The following ZFHX4 variants were observed in gnomAD, a reference collection of about 807,000 sequenced individuals.
ZFHX4 encodes zinc finger homeobox 4, also known as zinc finger homeobox protein 4.
Under a neutral mutation model 267.6 loss-of-function variants are expected in ZFHX4, and 56 were observed. The observed-to-expected ratio is 0.21, with a 90% CI of 0.17 to 0.26. ZFHX4 has a LOEUF of 0.26. ZFHX4 is among the 10% of genes least tolerant of loss of function. The pLI is 1.00. For synonymous variants in ZFHX4, 1,778 were observed against 1,665.6 expected, an observed-to-expected ratio of 1.07 and a Z score of -1.64; for missense variants, 4,332 against 4,420.0, an observed-to-expected ratio of 0.98 and a Z score of 0.56.
intron 4 of ZFHX4, among the ~76,000 whole-genome samples, chr8:76,825,646 T>C (rs1811764572): frequency 6.6e-6 from 1 of 152,218 alleles, no homozygotes; most frequent in African/African-American, 2.4e-5. Flanking sequence ...GGGGTTATGT[T>C]CTCTGATTCT....
chr8:76,811,114 C>G (rs966304269), intron 4 of ZFHX4, among the ~76,000 whole-genome samples: 1 of 152,160 alleles, frequency 6.6e-6, no homozygotes, highest in Non-Finnish European at 1.5e-5. Flanking sequence ...AAACCCTCAT[C>G]TCACGGCTAA....
At chr8:76,775,729 A>G (rs1716651253) in intron 3 of ZFHX4, among the ~76,000 whole-genome samples, 1 of 152,074 alleles carries the variant, frequency 6.6e-6, no homozygotes. Flanking sequence ...GGAAGATCAG[A>G]TAATAGGAGC....
rs547189542 is a variant in ZFHX4 at position 76,838,742 on chromosome 8, C to T, written c.3395-3913C>T. Among the ~76,000 whole-genome samples the T allele has an allele frequency of 9.9e-5, 15 of 152,056 alleles. No individual in the cohort carries two copies. The South Asian group carries it at 3.1e-3, about 32-fold the overall frequency. ...AGACTTAGAGGAGAGGGATCCCAAA[C>T]CCAATTGTATGTTAAGACAATGGGA... On this transcript the variant is annotated intron_variant, in intron 5 of 10. Transcript: ENST00000651372.
At chr8:76,834,297 G>A in intron 5 of ZFHX4, 2 of 251,868 alleles carry the variant, frequency 7.9e-6, no homozygotes, top group South Asian at 4.2e-5. Context: ...GTTTAGTTTT[G>A]TAAAAACCAC....
chr8:76,810,725 G>T (rs566041138), intron 4 of ZFHX4, among the ~76,000 whole-genome samples: 1 of 152,214 alleles, frequency 6.6e-6, no homozygotes, highest in South Asian at 2.1e-4. Flanking sequence ...AGAAGGCACA[G>T]GAATTTATTT....
chr8:76,778,318 G>A lies in ZFHX4; in HGVS notation c.3204G>A (p.Ser1068=), dbSNP rs779863645. The A allele has an allele frequency of 7.4e-6, 12 of 1,613,686 alleles. No homozygotes were observed. The highest frequency in any genetic ancestry group is 6.7e-5 in the East Asian group (3 of 44,880). The change falls in exon 4 of 11, where the codon TCG becomes TCA. Residue 1068 remains serine (S), a synonymous_variant. Transcript: ENST00000651372. ...TGAATCTGGTACAACATGTCCGTTCGGTGAAGCATCAGCAGACTGAGGGCC... is the reference window on the plus strand; with the variant it reads ...TGAATCTGGTACAACATGTCCGTTCAGTGAAGCATCAGCAGACTGAGGGCC... ...VKLNLVQHVR[S]VKHQQTEGLR... is the part of the protein sequence containing the mutation.
At chr8:76,701,731 T>C (rs963646729) in intron 1 of ZFHX4, among the ~76,000 whole-genome samples, 6 of 152,178 alleles carry the variant, frequency 3.9e-5, no homozygotes, top group Non-Finnish European at 7.4e-5. Flanking sequence ...ATAGCATACA[T>C]AGCTTAGAAA....
In ZFHX4 at chr8:76,855,685, A is replaced by C. The variant is rs756360516; in HGVS notation, c.8764A>C (p.Lys2922Gln). Residue 2922 changes from lysine to glutamine, a missense_variant, in exon 10 of 11, where the codon AAA (lysine) becomes CAA (glutamine). Coordinates refer to ENST00000651372, the MANE Select transcript of ZFHX4 (RefSeq NM_024721.5). ...PFGSSNPFKS[K>Q]SNDRPGHKRF... is the part of the protein sequence containing the mutation. ...CGGATCCAGCAATCCCTTTAAATCC[A>C]AAAGTAATGATCGGCCGGGTCACAA... is the stretch of plus-strand genomic sequence containing the variant. The C allele has an allele frequency of 6.2e-7, 1 of 1,613,942 alleles. No homozygotes were observed.
intron 3 of ZFHX4, among the ~76,000 whole-genome samples, chr8:76,775,245 T>C (rs543900846): frequency 6.6e-6 from 1 of 152,154 alleles, no homozygotes; most frequent in Non-Finnish European, 1.5e-5. Context: ...ATGAGAAATG[T>C]TTTTTAAGAT....
intron 1 of ZFHX4, among the ~76,000 whole-genome samples, chr8:76,694,366 T>C (rs1807899942): frequency 6.6e-6 from 1 of 152,276 alleles, no homozygotes; most frequent in Admixed American, 6.5e-5. Flanking sequence ...AAAGTGAATG[T>C]AAAGAGATTT....
chr8:76,729,477 A>G (rs1808940885), intron 3 of ZFHX4, among the ~76,000 whole-genome samples: 1 of 152,144 alleles, frequency 6.6e-6, no homozygotes, highest in South Asian at 2.1e-4. Context: ...TACTTTTTGT[A>G]CAAAATATCT....
Position 76,852,598 on chromosome 8 carries a change from C to G in ZFHX4, c.5677C>G (p.Pro1893Ala), listed in dbSNP as rs1481820508. 3 of 1,611,918 alleles carry G rather than the reference C, an allele frequency of 1.9e-6. No homozygotes were observed. The African/African-American group carries it at 4.0e-5, about 22-fold the overall frequency. Residue 1893 changes from proline (P) to alanine (A), a missense_variant, in exon 10 of 11, where the codon CCA becomes GCA. Transcript: ENST00000651372. ...KDTKKQKSLE[P>A]SIPPPRIASG... ...CACAAAGAAGCAAAAATCCTTGGAA[C>G]CATCCATCCCACCACCCCGAATAGC...
intron 5 of ZFHX4, among the ~76,000 whole-genome samples, chr8:76,835,274 T>C (rs1812064079): frequency 1.4e-5 from 2 of 146,730 alleles, no homozygotes; most frequent in South Asian, 4.2e-4. Flanking sequence ...TACATATATT[T>C]GTTAAAAATG....
At chr8:76,777,706 T>A (rs1810434616) in intron 3 of ZFHX4, among the ~76,000 whole-genome samples, 1 of 152,160 alleles carries the variant, frequency 6.6e-6, no homozygotes, top group Non-Finnish European at 1.5e-5. Context: ...GAGACCATTC[T>A]CATCTAGAAA....
chr8:76,712,646 C>T (rs1808456780), intron 3 of ZFHX4, among the ~76,000 whole-genome samples: 1 of 152,022 alleles, frequency 6.6e-6, no homozygotes, highest in Non-Finnish European at 1.5e-5. Flanking sequence ...ATCTAAGAAA[C>T]CAAAACAAGT....
chr8:76,751,818 C>T (rs965723766), intron 3 of ZFHX4, among the ~76,000 whole-genome samples: 8 of 152,110 alleles, frequency 5.3e-5, no homozygotes, highest in Non-Finnish European at 1.0e-4. Flanking sequence ...CTTCTAGCTA[C>T]GATGATGAGC....
chr8:76,822,704 G>A lies in ZFHX4; in HGVS notation c.3326-10634G>A, dbSNP rs1055876779. 2.0e-5 allele frequency among the ~76,000 whole-genome samples: 3 copies of A among 152,078 alleles called. No individual in the cohort carries two copies. The South Asian group carries it at 6.2e-4, about 32-fold the overall frequency. ...TGATCCCCCATCTTGGCCTCTTAAA[G>A]TGCTAGGATTACAGGCATGAGGCAC... is the stretch of plus-strand genomic sequence containing the variant. On this transcript the variant is annotated intron_variant, in intron 4 of 10. Transcript: ENST00000651372.
At chr8:76,715,286 T>C (rs1808534952) in intron 3 of ZFHX4, among the ~76,000 whole-genome samples, 1 of 150,834 alleles carries the variant, frequency 6.6e-6, no homozygotes. Context: ...AGGTCAGGAG[T>C]TCGAGACCAG....
chr8:76,738,985 T>C (rs1809246047), intron 3 of ZFHX4, among the ~76,000 whole-genome samples: 1 of 152,010 alleles, frequency 6.6e-6, no homozygotes, highest in Non-Finnish European at 1.5e-5. Flanking sequence ...AAACTTCTGG[T>C]ACTACAGCTG....
Sources: gnomAD v4.1 joint callset for allele counts (sites outside exome capture counted in the v4.1 genomes callset) on GRCh38, gnomAD v4.1.1 for gene constraint, MANE v1.5 for transcripts, NCBI Gene and HGNC (gene_info 2026-07-23, HGNC 2026-07-21) for gene names.